Variants in SYT1 observed in about 807,000 individuals in gnomAD.
SYT1 encodes synaptotagmin-1.
A neutral mutation model predicts 44.8 loss-of-function variants in SYT1; 8 were observed. That is an observed-to-expected ratio of 0.18 (90% confidence interval 0.10 to 0.32). The LOEUF (loss-of-function observed/expected upper bound fraction) is 0.32, where lower values mean the gene tolerates loss of function less well. Ranked by LOEUF, SYT1 falls within the 10% of genes least tolerant of loss-of-function variation. SYT1 has a pLI of 1.00. For synonymous variants in SYT1, 154 were observed against 188.8 expected, an observed-to-expected ratio of 0.82 and a Z score of 1.51; for missense variants, 286 against 509.3, an observed-to-expected ratio of 0.56 and a Z score of 4.22.
At chr12:79,129,599 A>G (rs7954368) in intron 3 of SYT1, among the ~76,000 whole-genome samples, 1 of 152,216 alleles carries the variant, frequency 6.6e-6, no homozygotes, top group Admixed American at 6.5e-5. Context: ...TTTGCTGTCT[A>G]ATTCACCATA....
At chr12:79,007,222 C>T (rs1375346414) in intron 2 of SYT1, among the ~76,000 whole-genome samples, 1 of 152,032 alleles carries the variant, frequency 6.6e-6, no homozygotes, top group Admixed American at 6.6e-5. Context: ...TGTTTAAATT[C>T]ATCCATAATT....
At chr12:79,271,676 C>G (rs1391427184) in intron 4 of SYT1, among the ~76,000 whole-genome samples, 1 of 152,080 alleles carries the variant, frequency 6.6e-6, no homozygotes, top group Non-Finnish European at 1.5e-5. Context: ...CAATTTATGC[C>G]TACTTGTCAT....
intron 8 of SYT1, among the ~76,000 whole-genome samples, chr12:79,308,546 A>AAGAC (rs79232336): frequency 0.27 from 40,161 of 148,452 alleles, 6,297 homozygotes; most frequent in East Asian, 0.58. Flanking sequence ...GAAAGAAAGA[A>AAGAC]AGAAAAAAGA....
At position 79,179,526 on chromosome 12, in the gene SYT1, G is replaced by GATATAGATATAGATATATCT. The variant is rs1555204905; in HGVS notation, c.-17-37960_-17-37959insTCTATATAGATATAGATATA. On this transcript the variant is annotated intron_variant, in intron 3 of 10. Coordinates refer to ENST00000261205, the MANE Select transcript of SYT1 (RefSeq NM_005639.3). ...ATATAGATATAGATATATCTATATA[G>GATATAGATATAGATATATCT]ATATAGATATAGATATAGAGATATA... 5.1e-3 allele frequency among the ~76,000 whole-genome samples: 74 copies of GATATAGATATAGATATATCT among 14,518 alleles called. 2 individuals carry two copies. Among genetic ancestry groups the GATATAGATATAGATATATCT allele is most frequent in the African/African-American group, 0.036 (71 of 1,994 alleles). 9.5% of individuals were successfully genotyped at this position (14,518 alleles called of 152,430 possible).
chr12:79,081,015 A>T (rs17041558), intron 3 of SYT1, among the ~76,000 whole-genome samples: 1 of 152,142 alleles, frequency 6.6e-6, no homozygotes, highest in Non-Finnish European at 1.5e-5. Flanking sequence ...AACTCTTCAG[A>T]TGGTATAGAG....
At chr12:79,406,159 A>G (rs1885236557) in intron 9 of SYT1, among the ~76,000 whole-genome samples, 1 of 152,122 alleles carries the variant, frequency 6.6e-6, no homozygotes, top group Non-Finnish European at 1.5e-5. Context: ...TCCTCTTATG[A>G]TGGCTTAGTT....
At chr12:78,904,235 G>A (rs1343323165) in intron 1 of SYT1, among the ~76,000 whole-genome samples, 1 of 152,038 alleles carries the variant, frequency 6.6e-6, no homozygotes, top group Non-Finnish European at 1.5e-5. Context: ...ATATTTGTGA[G>A]ATTTTAAATT....
At chr12:78,925,024 A>G (rs1408113744) in intron 1 of SYT1, among the ~76,000 whole-genome samples, 2 of 151,940 alleles carry the variant, frequency 1.3e-5, no homozygotes, top group Non-Finnish European at 2.9e-5. Context: ...ATGAATAAAT[A>G]CATATAAAGG....
chr12:79,374,492 C>A (rs1446754589), intron 9 of SYT1, among the ~76,000 whole-genome samples: 1 of 152,082 alleles, frequency 6.6e-6, no homozygotes, highest in East Asian at 1.9e-4. Context: ...TAAAAGGGTA[C>A]ACATTCTAAC....
At chr12:79,402,693 A>G (rs1386524515) in intron 9 of SYT1, among the ~76,000 whole-genome samples, 1 of 152,206 alleles carries the variant, frequency 6.6e-6, no homozygotes, top group Admixed American at 6.6e-5. Flanking sequence ...GTGAAAGCTC[A>G]TTAAATCCTC....
chr12:79,006,152 C>G (rs775958567), intron 2 of SYT1, among the ~76,000 whole-genome samples: 1 of 152,100 alleles, frequency 6.6e-6, no homozygotes, highest in Admixed American at 6.6e-5. Flanking sequence ...AATACAATTT[C>G]TATTTTAGCT....
In SYT1 at chr12:79,076,717, G is replaced by A. The variant is rs572846214; in HGVS notation, c.-18+29355G>A. On this transcript the variant is annotated intron_variant, in intron 3 of 10. Transcript: ENST00000261205. ...GCATTTTGGGAGGCCGAGGCAGGCAGGGATCACGAGGTTTTTGGGAGGATT... is the reference window on the plus strand; with the variant it reads ...GCATTTTGGGAGGCCGAGGCAGGCAAGGATCACGAGGTTTTTGGGAGGATT... Among the ~76,000 whole-genome samples the A allele has an allele frequency of 3.9e-5, 6 of 152,244 alleles. No homozygotes were observed. In the East Asian group the frequency reaches 1.2e-3, roughly 29 times the overall value.
At chr12:79,170,834 T>C (rs756960138) in intron 3 of SYT1, among the ~76,000 whole-genome samples, 1 of 152,080 alleles carries the variant, frequency 6.6e-6, no homozygotes, top group Non-Finnish European at 1.5e-5. Flanking sequence ...TAGTTTGAGG[T>C]TTTACACTTA....
intron 3 of SYT1, among the ~76,000 whole-genome samples, chr12:79,174,248 G>A (rs544693371): frequency 6.6e-6 from 1 of 152,116 alleles, no homozygotes; most frequent in African/African-American, 2.4e-5. Flanking sequence ...GTAAGCTAGT[G>A]GAGAAAGATG....
At chr12:79,034,235 T>C (rs1199408189) in intron 2 of SYT1, among the ~76,000 whole-genome samples, 2 of 151,558 alleles carry the variant, frequency 1.3e-5, no homozygotes, top group African/African-American at 4.8e-5. Context: ...CCTCTAAGAT[T>C]AGATAAATGA....
chr12:79,172,547 G>A (rs148916005), intron 3 of SYT1, among the ~76,000 whole-genome samples: 1 of 151,834 alleles, frequency 6.6e-6, no homozygotes, highest in African/African-American at 2.4e-5. Flanking sequence ...TACTAGTTTT[G>A]CTTTCTTTCT....
chr12:78,865,918 C>CAA (rs35001234), intron 1 of SYT1, among the ~76,000 whole-genome samples: 7 of 144,736 alleles, frequency 4.8e-5, no homozygotes, highest in Admixed American at 2.7e-4. Flanking sequence ...TCTTGAGTAA[C>CAA]AAAAAAAAAA....
In SYT1 at chr12:79,316,084, T is replaced by C. The variant is rs1592959403; in HGVS notation, c.810+16533T>C. Among the ~76,000 whole-genome samples, 2 of 152,128 alleles carry C rather than the reference T, an allele frequency of 1.3e-5. 1 individual carries two copies. Among genetic ancestry groups the C allele is most frequent in the South Asian group, 4.1e-4 (2 of 4,830 alleles). On this transcript the variant is annotated intron_variant, in intron 8 of 10. Transcript: ENST00000261205. ...GATGTTAAGTGTACAGTTCAATGAGTCTTGACAACGCTATACACAGTGTAA... is the reference window on the plus strand; with the variant it reads ...GATGTTAAGTGTACAGTTCAATGAGCCTTGACAACGCTATACACAGTGTAA...
At chr12:79,333,388 C>T (rs1881945773) in intron 8 of SYT1, among the ~76,000 whole-genome samples, 1 of 152,156 alleles carries the variant, frequency 6.6e-6, no homozygotes, top group Non-Finnish European at 1.5e-5. Flanking sequence ...TCCCATTGGC[C>T]TCACCTCCTA....
Sources: allele counts gnomAD v4.1 joint callset (sites outside exome capture counted in the v4.1 genomes callset), GRCh38; gene constraint gnomAD v4.1.1; transcripts MANE v1.5; gene names NCBI Gene and HGNC (gene_info 2026-07-23, HGNC 2026-07-21).